The following DYNC1I1 variants were observed in gnomAD, a reference collection of about 807,000 sequenced individuals.
DYNC1I1 encodes cytoplasmic dynein 1 intermediate chain 1.
DYNC1I1 carries 43 observed loss-of-function variants against 86.6 expected under a neutral mutation model. The observed-to-expected ratio is 0.50, with a 90% CI of 0.39 to 0.64. The LOEUF is 0.64. DYNC1I1 is among the 30% of genes least tolerant of loss of function. The pLI, the probability that DYNC1I1 is intolerant of heterozygous loss-of-function variation, is 0.00. For synonymous variants in DYNC1I1, 262 were observed against 283.7 expected (o/e 0.92, Z 0.77); for missense variants, 604 against 788.8 (o/e 0.77, Z 2.81).
At chr7:95,981,473 G>A (rs1793457165) in intron 7 of DYNC1I1, among the ~76,000 whole-genome samples, 1 of 151,986 alleles carries the variant, frequency 6.6e-6, no homozygotes, top group Admixed American at 6.6e-5. Flanking sequence ...TGTAGAATTA[G>A]GCTGTCTTCT....
chr7:95,936,956 T>TCTCACACACACACACACACACA lies in DYNC1I1; in HGVS notation c.491-40555_491-40554insTCACACACACACACACACACAC, dbSNP rs750834189. On this transcript the variant is annotated intron_variant, in intron 6 of 16. Coordinates refer to ENST00000447467, the MANE Select transcript of DYNC1I1 (RefSeq NM_001135556.2). The stretch of plus-strand genomic sequence containing the variant: ...CAAAGGAATGGATAAAGAATATGTC[T>TCTCACACACACACACACACACA]CACACACACACACACACACACACAC... Among the ~76,000 whole-genome samples, 715 of 134,248 alleles carry TCTCACACACACACACACACACA rather than the reference T, an allele frequency of 5.3e-3. 3 individuals carry two copies. The highest frequency in any genetic ancestry group is 0.011 in the Middle Eastern group (3 of 280). The allele number at this position is 134,248 out of a possible 152,430, so 88.1% of individuals were successfully genotyped here.
intron 14 of DYNC1I1, among the ~76,000 whole-genome samples, chr7:96,070,800 G>C (rs1349922309): frequency 6.6e-6 from 1 of 152,160 alleles, no homozygotes; most frequent in East Asian, 1.9e-4. Context: ...TGTGATAAGA[G>C]AAAAGTAAAT....
chr7:95,857,956 C>T (rs902744025), intron 5 of DYNC1I1, among the ~76,000 whole-genome samples: 4 of 152,214 alleles, frequency 2.6e-5, no homozygotes, highest in African/African-American at 4.8e-5. Flanking sequence ...TTTGCTTTGT[C>T]TGTGATCATT....
chr7:95,870,925 T>A (rs759967208), intron 6 of DYNC1I1, among the ~76,000 whole-genome samples: 2 of 152,252 alleles, frequency 1.3e-5, no homozygotes, highest in East Asian at 1.9e-4. Flanking sequence ...TATGTTATTT[T>A]ATTCTTCGGT....
rs549620080 is a variant in DYNC1I1 at position 96,008,447 on chromosome 7, C to T, written c.969+12374C>T. On this transcript the variant is annotated intron_variant, in intron 10 of 16. Transcript: ENST00000447467. ...GCACTTGAAAGGTTATCCATTAATA[C>T]CCCTACTGAAGAATGAAAATCATTT... is the stretch of plus-strand genomic sequence containing the variant. 3.3e-5 allele frequency among the ~76,000 whole-genome samples: 5 copies of T among 152,124 alleles called. No homozygotes were observed. The South Asian group carries it at 8.3e-4, about 25-fold the overall frequency.
At chr7:96,011,873 G>A (rs140416102) in intron 10 of DYNC1I1, among the ~76,000 whole-genome samples, 3 of 152,166 alleles carry the variant, frequency 2.0e-5, no homozygotes, top group Non-Finnish European at 2.9e-5. Flanking sequence ...TGAAGCTACG[G>A]TTAATTTAAA....
At chr7:96,089,155 TAAA>T (rs11285708) in intron 16 of DYNC1I1, among the ~76,000 whole-genome samples, 2 of 147,972 alleles carry the variant, frequency 1.4e-5, no homozygotes, top group African/African-American at 2.5e-5. Flanking sequence ...TAGTATGATT[TAAA>T]AAAAAAAAAA....
Position 95,912,834 on chromosome 7 carries a change from C to CCTCCCAAT in DYNC1I1, c.490+42839_490+42840insCCAATCTC, listed in dbSNP as rs1791373706. Among the ~76,000 whole-genome samples the CCTCCCAAT allele has an allele frequency of 2.6e-5, 4 of 152,146 alleles. No homozygotes were observed. In the South Asian group the frequency reaches 8.3e-4, roughly 32 times the overall value. ...CAGCTTCTAAACAGTGGGAGGACCA[C>CCTCCCAAT]CTCAAAGGCAGGAGATTGGTGGGCT... On this transcript the variant is annotated intron_variant, in intron 6 of 16. Transcript: ENST00000447467.
intron 14 of DYNC1I1, 141 bp from the exon 15 acceptor site, chr7:96,075,916 C>T (rs1790321924): frequency 2.5e-6 from 3 of 1,182,846 alleles, no homozygotes; most frequent in African/African-American, 3.0e-5. Context: ...CACATTAAAG[C>T]TCCGGTTCAC....
At chr7:95,901,162 T>C (rs1484588718) in intron 6 of DYNC1I1, among the ~76,000 whole-genome samples, 3 of 152,162 alleles carry the variant, frequency 2.0e-5, no homozygotes, top group Non-Finnish European at 4.4e-5. Flanking sequence ...TTCCAGCTGA[T>C]TTTAGGCCTA....
chr7:95,836,171 G>T (rs988479017), intron 5 of DYNC1I1, among the ~76,000 whole-genome samples: 4 of 151,760 alleles, frequency 2.6e-5, no homozygotes, highest in Non-Finnish European at 4.4e-5. Context: ...AGGCCTGGTG[G>T]TGACAAAATC....
chr7:96,054,626 T>C (rs971036222), intron 14 of DYNC1I1, among the ~76,000 whole-genome samples: 64 of 152,216 alleles, frequency 4.2e-4, no homozygotes, highest in African/African-American at 1.5e-3. Flanking sequence ...TTCTTATTTC[T>C]CCACTTCCTC....
At chr7:95,838,043 C>A (rs1326714862) in intron 5 of DYNC1I1, among the ~76,000 whole-genome samples, 1 of 152,174 alleles carries the variant, frequency 6.6e-6, no homozygotes, top group Non-Finnish European at 1.5e-5. Context: ...TTGCTGTAGT[C>A]CCGCTTGTCT....
chr7:95,817,338 A>C (rs1396654603), intron 4 of DYNC1I1, among the ~76,000 whole-genome samples: 1 of 152,170 alleles, frequency 6.6e-6, no homozygotes, highest in Non-Finnish European at 1.5e-5. Context: ...GTTTTGCTAC[A>C]GTGCTAGGTT....
intron 14 of DYNC1I1, among the ~76,000 whole-genome samples, chr7:96,052,165 G>T (rs1057373227): frequency 6.6e-6 from 1 of 152,058 alleles, no homozygotes; most frequent in Non-Finnish European, 1.5e-5. Flanking sequence ...TTAAAAAGAT[G>T]TACATTGAAA....
intron 6 of DYNC1I1, among the ~76,000 whole-genome samples, chr7:95,882,728 G>A (rs1424485795): frequency 1.3e-5 from 2 of 152,142 alleles, no homozygotes; most frequent in Non-Finnish European, 2.9e-5. Flanking sequence ...CATTGGTGAG[G>A]TACAGCGAAA....
intron 6 of DYNC1I1, among the ~76,000 whole-genome samples, chr7:95,895,235 A>G (rs1790851010): frequency 1.3e-5 from 2 of 152,168 alleles, no homozygotes; most frequent in South Asian, 4.1e-4. Context: ...TCACAATCCG[A>G]TGGAGTATAG....
rs1795175700 is a variant in DYNC1I1 at position 95,825,097 on chromosome 7, A to C, written c.315-2960A>C. ...ACTGACAATAACTATGGTTTCTGTT[A>C]CTGAATAACATAGGTGTGCCAGGAG... On this transcript the variant is annotated intron_variant, in intron 4 of 16. Transcript: ENST00000447467. Among the ~76,000 whole-genome samples, 9 of 152,326 alleles carry C rather than the reference A, an allele frequency of 5.9e-5. No individual in the cohort carries two copies. In the South Asian group the frequency reaches 1.9e-3, roughly 32 times the overall value.
chr7:96,089,338 C>T (rs1790772387), intron 16 of DYNC1I1, among the ~76,000 whole-genome samples: 1 of 151,966 alleles, frequency 6.6e-6, no homozygotes, highest in Admixed American at 6.6e-5. Context: ...AGCAAAGTGC[C>T]TGGCACAAAA....
Sources: allele counts gnomAD v4.1 joint callset (sites outside exome capture counted in the v4.1 genomes callset), GRCh38; gene constraint gnomAD v4.1.1; transcripts MANE v1.5; gene names NCBI Gene and HGNC (gene_info 2026-07-23, HGNC 2026-07-21).